CSF2RB: variants seen among roughly 807,000 people sequenced by gnomAD.
The protein encoded by CSF2RB is cytokine receptor common subunit beta.
A neutral mutation model predicts 67.2 loss-of-function variants in CSF2RB; 22 were observed. The observed-to-expected ratio is 0.33, with a 90% CI of 0.23 to 0.47. The LOEUF is 0.47. Among genes scored for constraint, CSF2RB ranks in the 20% least tolerant of loss-of-function variants. CSF2RB has a pLI of 1.00. For missense variants in CSF2RB, 1,113 were observed against 1,174.5 expected (o/e 0.95, Z 0.76); for synonymous variants, 507 against 482.9 (o/e 1.05, Z -0.65).
intron 1 of CSF2RB, among the ~76,000 whole-genome samples, chr22:36,917,220 A>G (rs1389772305): frequency 2.0e-5 from 3 of 152,254 alleles, no homozygotes; most frequent in Non-Finnish European, 4.4e-5. Flanking sequence ...GTTTGTTTGA[A>G]TCATAAATAG....
rs1365280413 is a variant in CSF2RB, at chr22:36,935,377, A to G, written c.1342A>G (p.Ile448Val). Residue 448 changes from isoleucine to valine, a missense_variant, in exon 11 of 14, where the codon ATC becomes GTC. Ile to Val is a conservative substitution (Grantham distance 29). Transcript: ENST00000403662. ...SVLPMWVLAL[I>V]VIFLTIAVLL... ...GCTGCCTATGTGGGTGCTGGCCCTC[A>G]TCGTGATCTTCCTCACCATCGCTGT... is the stretch of plus-strand genomic sequence containing the variant. 2 of 1,614,026 alleles carry G rather than the reference A, an allele frequency of 1.2e-6. No individual in the cohort carries two copies. Among genetic ancestry groups the G allele is most frequent in the Non-Finnish European group, 1.7e-6 (2 of 1,180,010 alleles).
chr22:36,938,243 G>A lies in CSF2RB; in HGVS notation c.2435G>A (p.Gly812Asp), dbSNP rs1350183851. 1.9e-6 allele frequency: 3 copies of A among 1,614,178 alleles called. No homozygotes were observed. The highest frequency in any genetic ancestry group is 1.7e-5 in the Admixed American group (1 of 60,036). The change falls in exon 14 of 14, where the codon GGC (glycine) becomes GAC (aspartate). Residue 812 changes from glycine (G) to aspartate (D), a missense_variant. Physicochemically the swap from Gly to Asp is moderately conservative, Grantham distance 94. Transcript: ENST00000403662. ...DVSPTSPQPE[G>D]LLVLQQVGDY... is the part of the protein sequence containing the mutation. Reference sequence around the variant, plus strand: ...TCCCCAACATCCCCACAGCCCGAGGGCCTCCTTGTCCTGCAGCAAGTGGGC... The same window carrying A: ...TCCCCAACATCCCCACAGCCCGAGGACCTCCTTGTCCTGCAGCAAGTGGGC...
intron 5 of CSF2RB, 22 bp downstream of exon 5, chr22:36,929,581 GC>G: frequency 6.2e-7 from 1 of 1,614,172 alleles, no homozygotes; most frequent in Non-Finnish European, 8.5e-7. Flanking sequence ...GGCCAGCTCT[GC>G]CCCAGCCCGA....
chr22:36,938,227 T>C lies in CSF2RB; in HGVS notation c.2419T>C (p.Ser807Pro), dbSNP rs1157933000. 4.3e-6 allele frequency: 7 copies of C among 1,613,836 alleles called. No homozygotes were observed. Among genetic ancestry groups the C allele is most frequent in the Non-Finnish European group, 5.9e-6 (7 of 1,179,952 alleles). The change falls in exon 14 of 14, where the codon TCC (serine) becomes CCC (proline). Residue 807 changes from serine to proline, a missense_variant. By Grantham distance (74) the Ser-to-Pro change is moderately conservative (BLOSUM62 -1). Coordinates refer to ENST00000403662, the MANE Select transcript of CSF2RB (RefSeq NM_000395.3). ...GERPADVSPT[S>P]PQPEGLLVLQ... Reference sequence around the variant, plus strand: ...ACGCCCGGCAGATGTGTCCCCAACATCCCCACAGCCCGAGGGCCTCCTTGT... The same window carrying C: ...ACGCCCGGCAGATGTGTCCCCAACACCCCCACAGCCCGAGGGCCTCCTTGT...
chr22:36,935,059 C>T (rs1941238425), intron 10 of CSF2RB, among the ~76,000 whole-genome samples: 1 of 152,180 alleles, frequency 6.6e-6, no homozygotes, highest in African/African-American at 2.4e-5. Flanking sequence ...CTGTGATTGC[C>T]ATGAACAGTG....
rs1256366325 is a variant in CSF2RB at position 36,939,508 on chromosome 22, T to G, written c.*1006T>G. On this transcript the variant is annotated 3_prime_UTR_variant, in exon 14 of 14. Coordinates refer to ENST00000403662, the MANE Select transcript of CSF2RB (RefSeq NM_000395.3). ...CTATGCCTGGGCCTGCACCAGGGAT[T>G]ATGGTTCTTTTAAATCTTTGCCTTT... The G allele has an allele frequency of 1.5e-5, 6 of 405,096 alleles. No homozygotes were observed. The highest frequency in any genetic ancestry group is 2.7e-5 in the Non-Finnish European group (6 of 222,098). The allele number at this position is 405,096 out of a possible 1,614,324, so 25.1% of individuals were successfully genotyped here.
intron 1 of CSF2RB, among the ~76,000 whole-genome samples, chr22:36,921,068 ATG>A (rs367830429): frequency 1.4e-4 from 21 of 149,458 alleles, no homozygotes; most frequent in Non-Finnish European, 1.6e-4. Flanking sequence ...GCGAGTGTGT[ATG>A]TGTGTGTGTG....
Position 36,925,322 on chromosome 22 carries a change from G to A in CSF2RB, c.201-665G>A, listed in dbSNP as rs534607635. 3.3e-5 allele frequency among the ~76,000 whole-genome samples: 5 copies of A among 152,282 alleles called. No homozygotes were observed. The South Asian group carries it at 1.0e-3, about 32-fold the overall frequency. ...CACTTCCTGTCACCTGAATATTCCA[G>A]AAGCCTCGTAACTGGGCTCCCTGCT... On this transcript the variant is annotated intron_variant, in intron 3 of 13. Transcript: ENST00000403662.
chr22:36,936,765 C>A, intron 13 of CSF2RB, 113 bp downstream of exon 13: 1 of 891,170 alleles, frequency 1.1e-6, no homozygotes, highest in Non-Finnish European at 1.7e-6. Flanking sequence ...TGAAGGGATC[C>A]AAGGGAGCTG....
chr22:36,926,508 C>T (rs1347966575), intron 4 of CSF2RB, among the ~76,000 whole-genome samples: 2 of 152,242 alleles, frequency 1.3e-5, no homozygotes, highest in Non-Finnish European at 2.9e-5. Flanking sequence ...TTCATCTCAT[C>T]TCTGAAGCAA....
Position 36,922,645 on chromosome 22 carries a change from C to T in CSF2RB, c.76+362C>T, listed in dbSNP as rs1940905358. ...CCTCCGGGACTTTGCTCCTGCAGGG[C>T]CTTGGCTGGGGTTCTCTCCCTGCTT... On this transcript the variant is annotated intron_variant, in intron 2 of 13. Coordinates refer to ENST00000403662, the MANE Select transcript of CSF2RB (RefSeq NM_000395.3). 9.6e-6 allele frequency: 4 copies of T among 417,668 alleles called. No homozygotes were observed. The East Asian group carries it at 1.9e-4, about 20-fold the overall frequency. 25.9% of individuals were successfully genotyped at this position (417,668 alleles called of 1,614,324 possible). A position where few individuals can be genotyped will look rare whatever the true frequency, so the allele number is the denominator to read the frequency against.
rs145156426 is a variant in CSF2RB, at chr22:36,923,467, CG to C, written c.200+104del. The C allele has an allele frequency of 2.7e-3, 4,086 of 1,522,716 alleles. 94 individuals are homozygous for C. In the African/African-American group the frequency reaches 0.048, roughly 18 times the overall value. The allele number at this position is 1,522,716 out of a possible 1,614,324, so 94.3% of individuals were successfully genotyped here. On this transcript the variant is annotated intron_variant, in intron 3 of 13. Coordinates refer to ENST00000403662, the MANE Select transcript of CSF2RB (RefSeq NM_000395.3). ...AGAGAGGGACCTGTCAGGTCAGCCT[CG>C]GGGTGGGAGTGGACAGAGGACAGAG...
Position 36,938,807 on chromosome 22 carries a change from T to C in CSF2RB, c.*305T>C. The C allele has an allele frequency of 1.8e-6, 1 of 546,850 alleles. No homozygotes were observed. The allele number at this position is 546,850 out of a possible 1,614,324, so 33.9% of individuals were successfully genotyped here. A position where few individuals can be genotyped will look rare whatever the true frequency, so the allele number is the denominator to read the frequency against. On this transcript the variant is annotated 3_prime_UTR_variant, in exon 14 of 14. Coordinates refer to ENST00000403662, the MANE Select transcript of CSF2RB (RefSeq NM_000395.3). ...TCATTCCATCTCCCCCTCATTTTTT[T>C]AATCAGGTTTCCTTGCTTTTGCCAT...
At chr22:36,924,458 C>T (rs115054066) in intron 3 of CSF2RB, among the ~76,000 whole-genome samples, 6,815 of 152,242 alleles carry the variant, frequency 0.045, 188 homozygotes, top group Middle Eastern at 0.11. Context: ...CTGCCCCAAC[C>T]CCCTCTCAGA....
Position 36,930,505 on chromosome 22 carries a change from T to G in CSF2RB, c.849T>G (p.Asp283Glu). Residue 283 changes from aspartate (D) to glutamate (E), a missense_variant, in exon 7 of 14, where the codon GAT becomes GAG. Physicochemically the swap from Asp to Glu is conservative, Grantham distance 45. Coordinates refer to ENST00000403662, the MANE Select transcript of CSF2RB (RefSeq NM_000395.3). Reference sequence around the variant, plus strand: ...GCCTATTCTACAAGCCCAGCCCAGATGCAGGGTGAGCATCTTTTTTCTCCA... The same window carrying G: ...GCCTATTCTACAAGCCCAGCCCAGAGGCAGGGTGAGCATCTTTTTTCTCCA... ...SFGLFYKPSP[D>E]AGEEECSPVL... 3.1e-6 allele frequency: 5 copies of G among 1,613,472 alleles called. No homozygotes were observed. Among genetic ancestry groups the G allele is most frequent in the Non-Finnish European group, 4.2e-6 (5 of 1,180,002 alleles).
At chr22:36,915,504 C>T (rs560568557) in intron 1 of CSF2RB, among the ~76,000 whole-genome samples, 30 of 151,416 alleles carry the variant, frequency 2.0e-4, no homozygotes, top group Non-Finnish European at 2.9e-4. Flanking sequence ...ATAATACATA[C>T]AGATTTAACT....
intron 1 of CSF2RB, among the ~76,000 whole-genome samples, chr22:36,921,133 T>TTGTGTGTATGTGTGAATG (rs1569130786): frequency 3.3e-5 from 5 of 150,722 alleles, no homozygotes; most frequent in Non-Finnish European, 1.5e-5. Flanking sequence ...GTGTGTGAAT[T>TTGTGTGTATGTGTGAATG]TCTGTGTATG....
intron 3 of CSF2RB, among the ~76,000 whole-genome samples, chr22:36,924,772 A>G (rs966172346): frequency 5.3e-5 from 8 of 152,068 alleles, no homozygotes; most frequent in African/African-American, 1.7e-4. Context: ...GCCTCCCTGC[A>G]GTTTCTCTTG....
At chr22:36,927,672 G>A (rs954290769) in intron 4 of CSF2RB, among the ~76,000 whole-genome samples, 1 of 152,168 alleles carries the variant, frequency 6.6e-6, no homozygotes, top group Non-Finnish European at 1.5e-5. Flanking sequence ...TCAGGTAGAG[G>A]GGACCCTCTA....
Sources: allele counts gnomAD v4.1 joint callset (sites outside exome capture counted in the v4.1 genomes callset), GRCh38; gene constraint gnomAD v4.1.1; transcripts MANE v1.5; gene names NCBI Gene and HGNC (gene_info 2026-07-23, HGNC 2026-07-21).